EVC2: variants seen among roughly 807,000 people sequenced by gnomAD.
EVC2 encodes the protein EvC ciliary complex subunit 2.
In EVC2, 148 loss-of-function variants were observed where a neutral mutation model predicts 149.3. The observed-to-expected ratio is 0.99, with a 90% CI of 0.87 to 1.14. The LOEUF (loss-of-function observed/expected upper bound fraction) is 1.14, where lower values mean the gene tolerates loss of function less well. EVC2 is among the 50% of genes most tolerant of loss of function. The pLI, the probability that EVC2 is intolerant of heterozygous loss-of-function variation, is 0.00. For synonymous variants in EVC2, 776 were observed against 649.9 expected (o/e 1.19, Z -2.95); for missense variants, 1,854 against 1,627.3 (o/e 1.14, Z -2.40).
At position 5,686,651 on chromosome 4, in the gene EVC2, G is replaced by A. The variant is rs1720734414; in HGVS notation, c.707-1172C>T. On this transcript the variant is annotated intron_variant, in intron 5 of 21. Coordinates refer to ENST00000344408, the MANE Select transcript of EVC2 (RefSeq NM_147127.5). This position sits in a 1 kb window ranked among gnomAD's most constrained non-coding sequence, Gnocchi z 5.4. The stretch of plus-strand genomic sequence containing the variant: ...GACAGGGAGCCACCTGACCCTCTGG[G>A]TCCCATCATCTTTTCCCCAAACAAC... Among the ~76,000 whole-genome samples the A allele has an allele frequency of 1.3e-5, 2 of 152,158 alleles. No homozygotes were observed. The highest frequency in any genetic ancestry group is 6.5e-5 in the Admixed American group (1 of 15,272).
At chr4:5,605,367 T>C (rs1714306274) in intron 16 of EVC2, among the ~76,000 whole-genome samples, 1 of 152,112 alleles carries the variant, frequency 6.6e-6, no homozygotes, top group Non-Finnish European at 1.5e-5. Context: ...GCCTCTGAAA[T>C]CTTGATTTTT....
intron 3 of EVC2, among the ~76,000 whole-genome samples, chr4:5,693,310 G>A (rs1260577538): frequency 6.6e-6 from 1 of 152,172 alleles, no homozygotes; most frequent in African/African-American, 2.4e-5. Context: ...TCCTTATTTG[G>A]AAAAGAGGTC....
At position 5,657,654 on chromosome 4, in the gene EVC2, G is replaced by C. The variant is rs1056859663; in HGVS notation, c.1145+5453C>G. Among the ~76,000 whole-genome samples the C allele has an allele frequency of 1.3e-4, 19 of 150,730 alleles. 1 individual carries two copies. The highest frequency in any genetic ancestry group is 8.7e-4 in the Admixed American group (13 of 14,930). ...AGGCACTGTTGGAGGCACTGGGGAT[G>C]AATCAGCAAGCAAGACAGAAGGTCC... On this transcript the variant is annotated intron_variant, in intron 9 of 21. Transcript: ENST00000344408. The surrounding 1 kb of genome is among the most constrained non-coding windows in gnomAD (Gnocchi z 4.7).
intron 21 of EVC2, among the ~76,000 whole-genome samples, chr4:5,543,828 G>T (rs190898697): frequency 4.6e-5 from 7 of 152,170 alleles, no homozygotes; most frequent in African/African-American, 1.7e-4. Flanking sequence ...ATCTGGGCAG[G>T]ACACTCTCAC....
intron 17 of EVC2, among the ~76,000 whole-genome samples, chr4:5,577,070 C>T (rs774537790): frequency 6.6e-6 from 1 of 152,246 alleles, no homozygotes; most frequent in African/African-American, 2.4e-5. Flanking sequence ...GCTCTGTGTA[C>T]TTTCCATACG....
chr4:5,631,731 A>G, intron 11 of EVC2, 62 bp downstream of exon 11: 1 of 1,602,182 alleles, frequency 6.2e-7, no homozygotes, highest in South Asian at 1.1e-5. Flanking sequence ...CTGAGAGAGG[A>G]GACATTTACT....
At chr4:5,601,792 C>G (rs1014179564) in intron 16 of EVC2, among the ~76,000 whole-genome samples, 2 of 152,020 alleles carry the variant, frequency 1.3e-5, no homozygotes, top group African/African-American at 4.8e-5. Flanking sequence ...ACGATAAAAC[C>G]AGGAAAGAGA....
In EVC2 at chr4:5,613,934, ATTCGTGTTCT is replaced by A. The variant is rs1313051000; in HGVS notation, c.2829+1478_2829+1487del. Among the ~76,000 whole-genome samples, 2 of 152,154 alleles carry A rather than the reference ATTCGTGTTCT, an allele frequency of 1.3e-5. No homozygotes were observed. The highest frequency in any genetic ancestry group is 2.9e-5 in the Non-Finnish European group (2 of 68,018). ...TCTATGGCTCTTGGCGAGATCGTGC[ATTCGTGTTCT>A]GAGAAATACACCGGCACTAAAATAA... On this transcript the variant is annotated intron_variant, in intron 16 of 21. Coordinates refer to ENST00000344408, the MANE Select transcript of EVC2 (RefSeq NM_147127.5). The surrounding 1 kb of genome is among the most constrained non-coding windows in gnomAD (Gnocchi z 4.6).
chr4:5,639,242 T>C (rs1302440639), intron 10 of EVC2, among the ~76,000 whole-genome samples: 1 of 152,156 alleles, frequency 6.6e-6, no homozygotes, highest in African/African-American at 2.4e-5. Flanking sequence ...TGTTCTTAAG[T>C]AGTTGGAAGC....
chr4:5,543,748 A>G (rs1721561082), intron 21 of EVC2, among the ~76,000 whole-genome samples: 1 of 152,110 alleles, frequency 6.6e-6, no homozygotes, highest in South Asian at 2.1e-4. Flanking sequence ...GGAACCGGAG[A>G]GGGAAATGGT....
In EVC2 at chr4:5,640,470, T is replaced by C; in HGVS notation, c.1470+44A>G. ...GGTAGATGGATAAATGACAAATCCCTGAGAGAAAGGGAAGTGAACGCCTTC... is the reference window on the plus strand; with the variant it reads ...GGTAGATGGATAAATGACAAATCCCCGAGAGAAAGGGAAGTGAACGCCTTC... On this transcript the variant is annotated intron_variant, in intron 10 of 21. Coordinates refer to ENST00000344408, the MANE Select transcript of EVC2 (RefSeq NM_147127.5). This position sits in a 1 kb window ranked among gnomAD's most constrained non-coding sequence, Gnocchi z 4.6. 1 of 1,610,040 alleles carries C rather than the reference T, an allele frequency of 6.2e-7. No homozygotes were observed. The highest frequency in any genetic ancestry group is 8.5e-7 in the Non-Finnish European group (1 of 1,176,336).
At chr4:5,570,724 A>G (rs4689256) in intron 19 of EVC2, among the ~76,000 whole-genome samples, 66,991 of 152,064 alleles carry the variant, frequency 0.44, 15,773 homozygotes, top group East Asian at 0.86. Context: ...ATTCACAACT[A>G]CAAAAATATG....
At position 5,576,760 on chromosome 4, in the gene EVC2, G is replaced by A. The variant is rs995900939; in HGVS notation, c.3058-306C>T. Among the ~76,000 whole-genome samples, 2 of 152,184 alleles carry A rather than the reference G, an allele frequency of 1.3e-5. No homozygotes were observed. The highest frequency in any genetic ancestry group is 2.9e-5 in the Non-Finnish European group (2 of 68,024). The stretch of plus-strand genomic sequence containing the variant: ...ACTCCTTGGTGAAGGGCTCCTCAGC[G>A]AAAGGATCCCTGAGTTCCTTGGGAG... On this transcript the variant is annotated intron_variant, in intron 17 of 21. Coordinates refer to ENST00000344408, the MANE Select transcript of EVC2 (RefSeq NM_147127.5). This position sits in a 1 kb window ranked among gnomAD's most constrained non-coding sequence, Gnocchi z 4.5.
chr4:5,550,280 G>A (rs936197672), intron 21 of EVC2, among the ~76,000 whole-genome samples: 1 of 152,168 alleles, frequency 6.6e-6, no homozygotes, highest in African/African-American at 2.4e-5. Context: ...ATAGAGACTT[G>A]TTGAATGGCT....
intron 12 of EVC2, among the ~76,000 whole-genome samples, chr4:5,626,358 G>C (rs1716116689): frequency 6.9e-6 from 1 of 145,004 alleles, no homozygotes; most frequent in Admixed American, 7.0e-5. Context: ...TTTTGAGATG[G>C]AGTCTGGCTC....
rs1459311717 is a variant in EVC2, at chr4:5,665,566, G to A, written c.954C>T (p.Phe318=). ...TCAGACACTGATAGCGAACCATGAGGAAGAGGGCAGCCCAGGTCAGCACAA... is the reference window on the plus strand; with the variant it reads ...TCAGACACTGATAGCGAACCATGAGAAAGAGGGCAGCCCAGGTCAGCACAA... ...LSLVLTWAAL[F]LMVRYQCLKG... The change falls in exon 8 of 22, where the codon TTC becomes TTT. Residue 318 remains phenylalanine (F), a synonymous_variant. Transcript: ENST00000344408. The A allele has an allele frequency of 6.2e-7, 1 of 1,614,198 alleles. No individual in the cohort carries two copies. The highest frequency in any genetic ancestry group is 8.5e-7 in the Non-Finnish European group (1 of 1,180,034).
chr4:5,699,356 T>C (rs1267221444), intron 1 of EVC2, among the ~76,000 whole-genome samples: 1 of 152,150 alleles, frequency 6.6e-6, no homozygotes, highest in East Asian at 1.9e-4. Flanking sequence ...TTTAAAATAG[T>C]AAATTATGGT....
At chr4:5,660,520 T>C (rs376826247) in intron 9 of EVC2, among the ~76,000 whole-genome samples, 5 of 152,340 alleles carry the variant, frequency 3.3e-5, no homozygotes, top group East Asian at 1.9e-4. Flanking sequence ...CCCAGGGAGA[T>C]AGGATCAGGA....
chr4:5,675,193 C>T (rs1266640990), intron 7 of EVC2, among the ~76,000 whole-genome samples: 1 of 152,172 alleles, frequency 6.6e-6, no homozygotes, highest in Non-Finnish European at 1.5e-5. Context: ...ACAAATATTT[C>T]CCCAAGTTTC....
Sources: allele counts gnomAD v4.1 joint callset (sites outside exome capture counted in the v4.1 genomes callset), GRCh38; gene constraint gnomAD v4.1.1; non-coding constraint Gnocchi (gnomAD v3.1); transcripts MANE v1.5; gene names NCBI Gene and HGNC (gene_info 2026-07-23, HGNC 2026-07-21).